Variants in PEX14 observed in about 807,000 individuals in gnomAD.
The protein encoded by PEX14 is peroxisomal membrane protein PEX14.
Under a neutral mutation model 49.5 loss-of-function variants are expected in PEX14, and 15 were observed. The ratio of observed to expected loss-of-function variants is 0.30; its 90% CI spans 0.20 to 0.47. The LOEUF is 0.47. Among genes scored for constraint, PEX14 ranks in the 20% least tolerant of loss-of-function variants. PEX14 has a pLI of 1.00. For missense variants in PEX14, 398 were observed against 494.8 expected, an observed-to-expected ratio of 0.80 and a Z score of 1.86; for synonymous variants, 210 against 212.7, an observed-to-expected ratio of 0.99 and a Z score of 0.11.
chr1:10,586,628 C>CTTTTTTT (rs35743829), intron 3 of PEX14, among the ~76,000 whole-genome samples: 17 of 93,012 alleles, frequency 1.8e-4, no homozygotes, highest in East Asian at 3.2e-4. Context: ...AGCCGTTTAC[C>CTTTTTTT]TTTTTTTTTT....
intron 3 of PEX14, among the ~76,000 whole-genome samples, chr1:10,585,776 A>G (rs1436214705): frequency 2.6e-5 from 4 of 152,188 alleles, no homozygotes; most frequent in Admixed American, 2.6e-4. Flanking sequence ...CATGCCTGTA[A>G]TCCCAGCTAC....
chr1:10,629,943 C>T lies in PEX14; in HGVS notation c.1090C>T (p.Leu364=). ...GCAGATCAACGAGCAGGTGGAGAAG[C>T]TGCGGCGGCCCGAGGGCGCCAGCAA... ...DGQINEQVEK[L]RRPEGASNES... is the part of the protein sequence containing the mutation. Residue 364 remains leucine (L), a synonymous_variant, in exon 9 of 9, where the codon CTG becomes TTG. Coordinates refer to ENST00000356607, the MANE Select transcript of PEX14 (RefSeq NM_004565.3). The surrounding 1 kb of genome is among the most constrained non-coding windows in gnomAD (Gnocchi z 8.5). 1 of 1,612,098 alleles carries T rather than the reference C, an allele frequency of 6.2e-7. No homozygotes were observed. The highest frequency in any genetic ancestry group is 8.5e-7 in the Non-Finnish European group (1 of 1,179,756).
intron 1 of PEX14, among the ~76,000 whole-genome samples, chr1:10,491,206 T>A (rs1048219774): frequency 2.0e-5 from 3 of 151,150 alleles, no homozygotes; most frequent in East Asian, 2.0e-4. Context: ...TGGAAGATTT[T>A]AAAAAAATGT....
intron 2 of PEX14, among the ~76,000 whole-genome samples, chr1:10,526,795 G>A (rs1442145025): frequency 2.0e-5 from 3 of 152,116 alleles, no homozygotes; most frequent in Non-Finnish European, 4.4e-5. Flanking sequence ...GGATTTTGGA[G>A]CATTTTGGAT....
At chr1:10,572,563 G>A (rs568720237) in intron 3 of PEX14, among the ~76,000 whole-genome samples, 1 of 152,238 alleles carries the variant, frequency 6.6e-6, no homozygotes, top group African/African-American at 2.4e-5. Context: ...TTGAGACGGA[G>A]TCTTGCTGTC....
Position 10,624,455 on chromosome 1 carries a change from ACAGGGCCCTCCAGGCC to A in PEX14, c.585+23_585+38del, listed in dbSNP as rs776382021. On this transcript the variant is annotated intron_variant, in intron 7 of 8. Transcript: ENST00000356607. ...CTGCCAAGGTACCTGTCTCTGCTGC[ACAGGGCCCTCCAGGCC>A]CAGGTCTGTCCCATGTGCCCTTCAC... 1 of 1,546,852 alleles carries A rather than the reference ACAGGGCCCTCCAGGCC, an allele frequency of 6.5e-7. No individual in the cohort carries two copies. The highest frequency in any genetic ancestry group is 1.7e-5 in the Admixed American group (1 of 59,956).
chr1:10,574,407 C>T (rs774634615), intron 3 of PEX14, among the ~76,000 whole-genome samples: 3 of 152,088 alleles, frequency 2.0e-5, no homozygotes, highest in African/African-American at 4.8e-5. Flanking sequence ...TCTGGATCTC[C>T]GAGTGGTTGT....
intron 3 of PEX14, among the ~76,000 whole-genome samples, chr1:10,572,289 T>C (rs951589597): frequency 5.3e-5 from 8 of 152,212 alleles, no homozygotes; most frequent in Admixed American, 3.3e-4. Context: ...TACCCTTACC[T>C]TAAACTTATA....
chr1:10,483,716 A>T (rs1641321558), intron 1 of PEX14, among the ~76,000 whole-genome samples: 1 of 151,304 alleles, frequency 6.6e-6, no homozygotes, highest in Non-Finnish European at 1.5e-5. Context: ...TGTTGTGATC[A>T]GTTTGAGTTT....
Position 10,623,270 on chromosome 1 carries a change from C to T in PEX14, c.487+149C>T. ...CTGTTCACATTTGCAAATGAAGCCG[C>T]CGTCATTTCGGTTTAATTTGAAATT... On this transcript the variant is annotated intron_variant, in intron 6 of 8. Transcript: ENST00000356607. This position sits in a 1 kb window ranked among gnomAD's most constrained non-coding sequence, Gnocchi z 4.4. 3 of 668,742 alleles carry T rather than the reference C, an allele frequency of 4.5e-6. No individual in the cohort carries two copies. The highest frequency in any genetic ancestry group is 4.3e-5 in the Admixed American group (2 of 46,684). The allele number at this position is 668,742 out of a possible 1,614,324, so 41.4% of individuals were successfully genotyped here.
At chr1:10,535,120 A>G (rs183530937) in intron 2 of PEX14, among the ~76,000 whole-genome samples, 1 of 152,328 alleles carries the variant, frequency 6.6e-6, no homozygotes, top group Admixed American at 6.5e-5. Flanking sequence ...TATCTGTAAC[A>G]TGAGACCATA....
intron 1 of PEX14, among the ~76,000 whole-genome samples, chr1:10,481,787 G>A (rs534008068): frequency 6.7e-6 from 1 of 149,670 alleles, no homozygotes; most frequent in Admixed American, 6.7e-5. Flanking sequence ...GTTATTGTAT[G>A]AATGTGTTTG....
chr1:10,490,178 CT>C (rs1641445829), intron 1 of PEX14, among the ~76,000 whole-genome samples: 1 of 152,202 alleles, frequency 6.6e-6, no homozygotes, highest in Non-Finnish European at 1.5e-5. Flanking sequence ...AATGCCAAAG[CT>C]TGTGTACTTT....
At chr1:10,567,042 G>A (rs1257977674) in intron 3 of PEX14, among the ~76,000 whole-genome samples, 1 of 152,130 alleles carries the variant, frequency 6.6e-6, no homozygotes, top group African/African-American at 2.4e-5. Context: ...CGCCACTGTG[G>A]TAGCACAAAA....
intron 4 of PEX14, among the ~76,000 whole-genome samples, chr1:10,614,896 G>A (rs892572613): frequency 2.0e-5 from 3 of 152,162 alleles, no homozygotes; most frequent in African/African-American, 4.8e-5. Context: ...TATCTGGAGC[G>A]CCAAGCAAAG....
chr1:10,625,650 C>T (rs774684359), intron 7 of PEX14, among the ~76,000 whole-genome samples: 2 of 152,208 alleles, frequency 1.3e-5, no homozygotes, highest in Non-Finnish European at 2.9e-5. Flanking sequence ...CACGGGTGGC[C>T]GGTCCCTAAA....
At chr1:10,485,680 A>G (rs1368595845) in intron 1 of PEX14, among the ~76,000 whole-genome samples, 1 of 150,986 alleles carries the variant, frequency 6.6e-6, no homozygotes, top group East Asian at 1.9e-4. Flanking sequence ...TAATTATTCA[A>G]TGCTACTATG....
intron 2 of PEX14, among the ~76,000 whole-genome samples, chr1:10,535,228 T>C (rs1422876213): frequency 1.3e-5 from 2 of 152,206 alleles, no homozygotes; most frequent in African/African-American, 4.8e-5. Context: ...ATAGGGCTGG[T>C]GTCTGGGGTG....
chr1:10,615,836 G>A (rs1252734368), intron 4 of PEX14, among the ~76,000 whole-genome samples: 2 of 152,234 alleles, frequency 1.3e-5, no homozygotes, highest in Non-Finnish European at 2.9e-5. Context: ...AAGACATCCT[G>A]TGCCACCTTA....
Sources: gnomAD v4.1 joint callset for allele counts (sites outside exome capture counted in the v4.1 genomes callset) on GRCh38, gnomAD v4.1.1 for gene constraint, Gnocchi (gnomAD v3.1) non-coding constraint, MANE v1.5 for transcripts, NCBI Gene and HGNC (gene_info 2026-07-23, HGNC 2026-07-21) for gene names.